Variants in RPTOR observed in about 807,000 individuals in gnomAD.
RPTOR encodes regulatory-associated protein of mTOR.
A neutral mutation model predicts 169.9 loss-of-function variants in RPTOR; 21 were observed. That is an observed-to-expected ratio of 0.12 (90% confidence interval 0.09 to 0.18). The LOEUF (loss-of-function observed/expected upper bound fraction) is 0.18, where lower values mean the gene tolerates loss of function less well. Among genes scored for constraint, RPTOR ranks in the 10% least tolerant of loss-of-function variants. The pLI, the probability that RPTOR is intolerant of heterozygous loss-of-function variation, is 1.00. For missense variants in RPTOR, 1,133 were observed against 1,855.9 expected (o/e 0.61, Z 7.16); for synonymous variants, 732 against 753.2 (o/e 0.97, Z 0.46).
At chr17:80,751,843 T>C (rs2066633570) in intron 5 of RPTOR, among the ~76,000 whole-genome samples, 1 of 152,226 alleles carries the variant, frequency 6.6e-6, no homozygotes, top group South Asian at 2.1e-4. Context: ...GCTGACCGCT[T>C]GGTCCACGAC....
In RPTOR at chr17:80,562,196, C is replaced by T. The variant is rs139714075; in HGVS notation, c.162+16405C>T. Reference sequence around the variant, plus strand: ...GGGTGCAGGAGGATGCAGGGTGACACGCAGCCTCCTAACTGGATGTAGGAG... The same window carrying T: ...GGGTGCAGGAGGATGCAGGGTGACATGCAGCCTCCTAACTGGATGTAGGAG... On this transcript the variant is annotated intron_variant, in intron 1 of 33. Coordinates refer to ENST00000306801, the MANE Select transcript of RPTOR (RefSeq NM_020761.3). The surrounding 1 kb of genome is among the most constrained non-coding windows in gnomAD (Gnocchi z 4.4). 2.0e-3 allele frequency among the ~76,000 whole-genome samples: 312 copies of T among 152,204 alleles called. 2 individuals carry two copies. The highest frequency in any genetic ancestry group is 7.2e-3 in the African/African-American group (299 of 41,526).
intron 1 of RPTOR, among the ~76,000 whole-genome samples, chr17:80,564,183 C>A (rs2084543388): frequency 6.6e-6 from 1 of 152,108 alleles, no homozygotes; most frequent in South Asian, 2.1e-4. Flanking sequence ...CTGCCTCAGC[C>A]TCCCGAGTAG....
chr17:80,961,203 T>A (rs745694810), intron 30 of RPTOR, among the ~76,000 whole-genome samples, 191 bp from the exon 31 acceptor site: 10 of 151,904 alleles, frequency 6.6e-5, no homozygotes, highest in Non-Finnish European at 1.0e-4. Flanking sequence ...ACACAGGGGG[T>A]CTCTGCTGGA....
At position 80,947,299 on chromosome 17, in the gene RPTOR, T is replaced by A; in HGVS notation, c.3213T>A (p.Thr1071=). Residue 1071 remains threonine (T), a synonymous_variant, in exon 27 of 34, where the codon ACT becomes ACA. Coordinates refer to ENST00000306801, the MANE Select transcript of RPTOR (RefSeq NM_020761.3). The surrounding 1 kb of genome is among the most constrained non-coding windows in gnomAD (Gnocchi z 4.4). ...HNGNPRYTRV[T]AMEYLNGQDC... ...GGAACCCTCGGTACACGAGGGTCAC[T>A]GCCATGGAGTATCTGAACGGCCAGG... 6.2e-7 allele frequency: 1 copy of A among 1,605,496 alleles called. No individual in the cohort carries two copies. The highest frequency in any genetic ancestry group is 8.5e-7 in the Non-Finnish European group (1 of 1,176,648).
chr17:80,653,484 G>A (rs764246464), intron 3 of RPTOR, among the ~76,000 whole-genome samples: 3 of 152,198 alleles, frequency 2.0e-5, no homozygotes, highest in Non-Finnish European at 2.9e-5. Flanking sequence ...TTTGTTAGGA[G>A]TCTTTTGGTT....
At position 80,878,451 on chromosome 17, in the gene RPTOR, A is replaced by G. The variant is rs1226559792; in HGVS notation, c.1510-1964A>G. On this transcript the variant is annotated intron_variant, in intron 13 of 33. Coordinates refer to ENST00000306801, the MANE Select transcript of RPTOR (RefSeq NM_020761.3). The surrounding 1 kb of genome is among the most constrained non-coding windows in gnomAD (Gnocchi z 4.1). ...AGCCTCCGCCTCCCAGGTTCCAGCG[A>G]TTCTCCTGCCTCAGCCTCCCGAGTA... 6.6e-6 allele frequency among the ~76,000 whole-genome samples: 1 copy of G among 151,856 alleles called. No individual in the cohort carries two copies. The highest frequency in any genetic ancestry group is 1.9e-4 in the East Asian group (1 of 5,164).
At chr17:80,901,413 T>C (rs192351632) in intron 20 of RPTOR, among the ~76,000 whole-genome samples, 84 of 152,222 alleles carry the variant, frequency 5.5e-4, no homozygotes, top group African/African-American at 1.9e-3. Context: ...CTGAGTTTTA[T>C]TCGTATATCA....
chr17:80,891,038 G>A (rs561736249), intron 17 of RPTOR, among the ~76,000 whole-genome samples: 144 of 151,842 alleles, frequency 9.5e-4, no homozygotes, highest in African/African-American at 3.2e-3. Flanking sequence ...CGTTCTTTCC[G>A]CTTTTTAAAC....
intron 7 of RPTOR, among the ~76,000 whole-genome samples, chr17:80,815,236 C>T (rs2067311241): frequency 6.6e-6 from 1 of 152,250 alleles, no homozygotes; most frequent in East Asian, 1.9e-4. Context: ...ACCTGATGTA[C>T]ACCTGGCCCA....
chr17:80,799,892 A>G (rs2067139508), intron 7 of RPTOR, among the ~76,000 whole-genome samples: 2 of 152,258 alleles, frequency 1.3e-5, no homozygotes, highest in Non-Finnish European at 2.9e-5. Context: ...TTTGTCACGC[A>G]CAGACCTGCA....
chr17:80,626,776 AATT>A (rs143412094), intron 2 of RPTOR, among the ~76,000 whole-genome samples: 21,821 of 140,804 alleles, frequency 0.15, 1,762 homozygotes, highest in East Asian at 0.2. Flanking sequence ...CCATTCTAGG[AATT>A]ATTATTATTA....
chr17:80,809,724 T>C (rs1418732966), intron 7 of RPTOR, among the ~76,000 whole-genome samples: 1 of 152,184 alleles, frequency 6.6e-6, no homozygotes, highest in Non-Finnish European at 1.5e-5. Context: ...TTGCTAAGTC[T>C]GTGGCTTGTG....
intron 5 of RPTOR, among the ~76,000 whole-genome samples, chr17:80,740,211 A>G (rs79700079): frequency 1.2e-4 from 18 of 152,246 alleles, no homozygotes; most frequent in African/African-American, 3.6e-4. Context: ...TCTGAGTATT[A>G]TCTGTTCAGC....
At chr17:80,742,903 C>T (rs1013431541) in intron 5 of RPTOR, among the ~76,000 whole-genome samples, 2 of 151,970 alleles carry the variant, frequency 1.3e-5, no homozygotes, top group Admixed American at 1.3e-4. Flanking sequence ...CACATACACA[C>T]AGGTACATGC....
intron 6 of RPTOR, among the ~76,000 whole-genome samples, chr17:80,774,912 G>T (rs7221178): frequency 2.9e-4 from 44 of 152,308 alleles, no homozygotes; most frequent in African/African-American, 1.1e-3. Flanking sequence ...TAATTAAGCT[G>T]CTTGCTTATA....
At chr17:80,676,250 G>A (rs774280676) in intron 3 of RPTOR, among the ~76,000 whole-genome samples, 1 of 152,248 alleles carries the variant, frequency 6.6e-6, no homozygotes, top group Admixed American at 6.5e-5. Flanking sequence ...TAGGTTAGAA[G>A]TGGTTAAGTA....
Position 80,820,312 on chromosome 17 carries a change from A to C in RPTOR, c.891-1889A>C, listed in dbSNP as rs2067366281. ...TCATTTCATTAAAACGGTTTTCAGCATATGTGTTTCTCATCTGCAGGTGTG... is the reference window on the plus strand; with the variant it reads ...TCATTTCATTAAAACGGTTTTCAGCCTATGTGTTTCTCATCTGCAGGTGTG... On this transcript the variant is annotated intron_variant, in intron 7 of 33. Transcript: ENST00000306801. The surrounding 1 kb of genome is among the most constrained non-coding windows in gnomAD (Gnocchi z 4.1). Among the ~76,000 whole-genome samples the C allele has an allele frequency of 6.6e-6, 1 of 152,116 alleles. No homozygotes were observed. The highest frequency in any genetic ancestry group is 1.9e-4 in the East Asian group (1 of 5,182).
rs565522691 is a variant in RPTOR, at chr17:80,759,044, C to T, written c.830+4859C>T. ...GTGGGAAGGACTTGGCTTCCCTCCG[C>T]GCACAGCTGTGCACTCCCAAAGACG... On this transcript the variant is annotated intron_variant, in intron 6 of 33. Transcript: ENST00000306801. Among the ~76,000 whole-genome samples, 26 of 151,798 alleles carry T rather than the reference C, an allele frequency of 1.7e-4. No homozygotes were observed. In the South Asian group the frequency reaches 4.4e-3, roughly 26 times the overall value.
intron 24 of RPTOR, among the ~76,000 whole-genome samples, chr17:80,930,209 C>T: frequency 1.3e-5 from 2 of 151,392 alleles, no homozygotes; most frequent in African/African-American, 4.9e-5. Flanking sequence ...AGCTCATCCC[C>T]AGCTCATCCT....
Sources: allele counts gnomAD v4.1 joint callset (sites outside exome capture counted in the v4.1 genomes callset), GRCh38; gene constraint gnomAD v4.1.1; non-coding constraint Gnocchi (gnomAD v3.1); transcripts MANE v1.5; gene names NCBI Gene and HGNC (gene_info 2026-07-23, HGNC 2026-07-21).